The following VARS2 variants were observed in gnomAD, a reference collection of about 807,000 sequenced individuals.
VARS2 encodes valine--tRNA ligase, mitochondrial.
In VARS2, 105 loss-of-function variants were observed where a neutral mutation model predicts 154.1. That is an observed-to-expected ratio of 0.68 (90% CI 0.58 to 0.80). VARS2 has a LOEUF of 0.80. Ranked by LOEUF, VARS2 falls within the 30% of genes least tolerant of loss-of-function variation. VARS2 has a pLI of 0.00. For missense variants in VARS2, 1,157 were observed against 1,361.4 expected (o/e 0.85, Z 2.36); for synonymous variants, 483 against 539.5 (o/e 0.90, Z 1.45).
chr6:30,916,381 C>A lies in VARS2; in HGVS notation c.671+132C>A. ...TCTGACTTCCTCAGAGATGGAAGCT[C>A]TGGAGCCTGTTAACATTTGGTGGAG... On this transcript the variant is annotated intron_variant, in intron 7 of 29. Transcript: ENST00000676266. The surrounding 1 kb of genome is among the most constrained non-coding windows in gnomAD (Gnocchi z 4.0). The A allele has an allele frequency of 1.3e-6, 1 of 747,964 alleles. No homozygotes were observed. Among genetic ancestry groups the A allele is most frequent in the Non-Finnish European group, 2.1e-6 (1 of 465,612 alleles). 46.3% of individuals were successfully genotyped at this position (747,964 alleles called of 1,614,324 possible). A position where few individuals can be genotyped will look rare whatever the true frequency, so the allele number is the denominator to read the frequency against.
At chr6:30,914,505 T>A (rs1562444572) in intron 1 of VARS2, 161 bp downstream of exon 1, 1 of 1,341,984 alleles carries the variant, frequency 7.5e-7, no homozygotes, top group Admixed American at 3.6e-5. Context: ...GACTCCTTGC[T>A]GGCTCTTGGG....
Position 30,925,954 on chromosome 6 carries a change from C to T in VARS2, c.3036C>T (p.Ser1012=), listed in dbSNP as rs758429375. 2.1e-5 allele frequency: 34 copies of T among 1,612,966 alleles called. No individual in the cohort carries two copies. Among genetic ancestry groups the T allele is most frequent in the African/African-American group, 5.3e-5 (4 of 74,918 alleles). The change falls in exon 29 of 30, where the codon AGC becomes AGT. Residue 1012 remains serine (S), a synonymous_variant. Transcript: ENST00000676266. ...RRYKLQKQLD[S]LTARTPSEGE... ...ACAAGTTGCAGAAGCAGCTTGACAG[C>T]CTCACAGCCAGGACCCCATCAGAAG...
At position 30,915,045 on chromosome 6, in the gene VARS2, G is replaced by T. The variant is rs775817326; in HGVS notation, c.201+8G>T. ...ATAGCAGGGGAGAGCAAGGTTAGGGGTCAGACAGCTTGTCCTTGGGTTTCT... is the reference window on the plus strand; with the variant it reads ...ATAGCAGGGGAGAGCAAGGTTAGGGTTCAGACAGCTTGTCCTTGGGTTTCT... On this transcript the variant is annotated splice_region_variant and intron_variant, in intron 2 of 29. Coordinates refer to ENST00000676266, the MANE Select transcript of VARS2 (RefSeq NM_020442.6). 1.2e-6 allele frequency: 2 copies of T among 1,613,270 alleles called. No homozygotes were observed. The highest frequency in any genetic ancestry group is 1.7e-5 in the Admixed American group (1 of 59,890).
Position 30,919,811 on chromosome 6 carries a change from C to T in VARS2, c.1128C>T (p.Leu376=). ...CCTTGATGGGGCAGCCTCTTCCCCT[C>T]ATCACAGACTATGCTGTTCAGCCAC... ...RHPLMGQPLP[L]ITDYAVQPHV... is the part of the protein sequence containing the mutation. The change falls in exon 12 of 30, where the codon CTC becomes CTT. Residue 376 remains leucine, a synonymous_variant. Coordinates refer to ENST00000676266, the MANE Select transcript of VARS2 (RefSeq NM_020442.6). The surrounding 1 kb of genome is among the most constrained non-coding windows in gnomAD (Gnocchi z 4.5). 1 of 1,596,428 alleles carries T rather than the reference C, an allele frequency of 6.3e-7. No homozygotes were observed. The highest frequency in any genetic ancestry group is 8.6e-7 in the Non-Finnish European group (1 of 1,168,130).
chr6:30,915,043 G>A lies in VARS2; in HGVS notation c.201+6G>A. 6.2e-7 allele frequency: 1 copy of A among 1,613,198 alleles called. No individual in the cohort carries two copies. The highest frequency in any genetic ancestry group is 8.5e-7 in the Non-Finnish European group (1 of 1,179,804). On this transcript the variant is annotated splice_donor_region_variant and intron_variant, in intron 2 of 29. Coordinates refer to ENST00000676266, the MANE Select transcript of VARS2 (RefSeq NM_020442.6). ...AGATAGCAGGGGAGAGCAAGGTTAG[G>A]GGTCAGACAGCTTGTCCTTGGGTTT... is the stretch of plus-strand genomic sequence containing the variant.
chr6:30,917,746 C>A lies in VARS2; in HGVS notation c.925C>A (p.Pro309Thr). 1.3e-6 allele frequency: 2 copies of A among 1,567,984 alleles called. No individual in the cohort carries two copies. The highest frequency in any genetic ancestry group is 1.7e-6 in the Non-Finnish European group (2 of 1,155,896). ...CACACAGCTTCGACTGCCTGGCTGCCCCACCCCCGTGTCTTTTGGCCTCCT... is the reference window on the plus strand; with the variant it reads ...CACACAGCTTCGACTGCCTGGCTGCACCACCCCCGTGTCTTTTGGCCTCCT... Reference protein sequence around the residue: ...GHTQLRLPGCPTPVSFGLLFS... With the variant: ...GHTQLRLPGCTTPVSFGLLFS... The change falls in exon 10 of 30, where the codon CCC (proline) becomes ACC (threonine). Residue 309 changes from proline to threonine, a missense_variant. Physicochemically the swap from Pro to Thr is conservative, Grantham distance 38. Coordinates refer to ENST00000676266, the MANE Select transcript of VARS2 (RefSeq NM_020442.6). This position sits in a 1 kb window ranked among gnomAD's most constrained non-coding sequence, Gnocchi z 4.4.
rs770182765 is a variant in VARS2, at chr6:30,925,881, G to A, written c.2963G>A (p.Gly988Asp). 3 of 1,612,728 alleles carry A rather than the reference G, an allele frequency of 1.9e-6. No homozygotes were observed. Among genetic ancestry groups the A allele is most frequent in the Non-Finnish European group, 2.5e-6 (3 of 1,180,020 alleles). Residue 988 changes from glycine (G) to aspartate (D), a missense_variant and splice_region_variant, in exon 29 of 30, where the codon GGC becomes GAC. By Grantham distance (94) the Gly-to-Asp change is moderately conservative. Transcript: ENST00000676266. ...CCTTTTCTCCCTGTTCTTCCCCAGG[G>A]CCTGGTGGACCCGCAGATCCAGCTA... Reference protein sequence around the residue: ...DTAQVYMELQGLVDPQIQLPL... With the variant: ...DTAQVYMELQDLVDPQIQLPL...
In VARS2 at chr6:30,923,370, G is replaced by C; in HGVS notation, c.2331G>C (p.Pro777=). The part of the protein sequence containing the change: ...QPAEELSPSS[P]MDAWILSRLA... Reference sequence around the variant, plus strand: ...GCCTGCAGCTGTCTCCCTCCTCCCCGATGGATGCCTGGATCCTGAGCCGCC... The same window carrying C: ...GCCTGCAGCTGTCTCCCTCCTCCCCCATGGATGCCTGGATCCTGAGCCGCC... The change falls in exon 25 of 30, where the codon CCG becomes CCC. Residue 777 remains proline, a synonymous_variant. Coordinates refer to ENST00000676266, the MANE Select transcript of VARS2 (RefSeq NM_020442.6). 1.2e-6 allele frequency: 2 copies of C among 1,611,156 alleles called. No homozygotes were observed. Among genetic ancestry groups the C allele is most frequent in the Non-Finnish European group, 1.7e-6 (2 of 1,178,998 alleles).
chr6:30,915,571 G>A (rs1429506215), intron 4 of VARS2, 116 bp downstream of exon 4: 2 of 1,437,744 alleles, frequency 1.4e-6, no homozygotes, highest in Admixed American at 2.0e-5. Flanking sequence ...TCTGGCTCTG[G>A]TGTCTCCAAA....
In VARS2 at chr6:30,917,632, G is replaced by A. The variant is rs527901544; in HGVS notation, c.874-63G>A. On this transcript the variant is annotated intron_variant, in intron 9 of 29. Coordinates refer to ENST00000676266, the MANE Select transcript of VARS2 (RefSeq NM_020442.6). The surrounding 1 kb of genome is among the most constrained non-coding windows in gnomAD (Gnocchi z 4.4). ...TGGGCAGATGGATGAGTGGCAGAGT[G>A]AAGCCTGGGCATGAGCCTTGCAGAA... The A allele has an allele frequency of 9.0e-6, 13 of 1,444,062 alleles. No individual in the cohort carries two copies. In the South Asian group the frequency reaches 9.9e-5, roughly 11 times the overall value. 89.5% of individuals were successfully genotyped at this position (1,444,062 alleles called of 1,614,324 possible).
chr6:30,924,807 A>G (rs888027396), intron 26 of VARS2, among the ~76,000 whole-genome samples: 1 of 152,152 alleles, frequency 6.6e-6, no homozygotes, highest in Non-Finnish European at 1.5e-5. Context: ...ATCGAGCCTC[A>G]GTTTCCCGCA....
rs755093002 is a variant in VARS2 at position 30,916,159 on chromosome 6, T to A, written c.581T>A (p.Val194Glu). The change falls in exon 7 of 30, where the codon GTG (valine) becomes GAG (glutamate). Residue 194 changes from valine to glutamate, a missense_variant. Val to Glu is a moderately radical substitution (Grantham distance 121). Transcript: ENST00000676266. This position sits in a 1 kb window ranked among gnomAD's most constrained non-coding sequence, Gnocchi z 4.0. The part of the protein sequence containing the change: ...DHAGIATQAV[V>E]EKQLWKERGV... Reference sequence around the variant, plus strand: ...CCCTGAATCCAACTGCAGGCTGTGGTGGAGAAACAACTGTGGAAGGAACGG... The same window carrying A: ...CCCTGAATCCAACTGCAGGCTGTGGAGGAGAAACAACTGTGGAAGGAACGG... 2 of 1,613,646 alleles carry A rather than the reference T, an allele frequency of 1.2e-6. No individual in the cohort carries two copies. Among genetic ancestry groups the A allele is most frequent in the East Asian group, 4.5e-5 (2 of 44,866 alleles).
rs749340773 is a variant in VARS2, at chr6:30,922,540, G to C, written c.2023G>C (p.Gly675Arg). The change falls in exon 21 of 30, where the codon GGG becomes CGG. Residue 675 changes from glycine (G) to arginine (R), a missense_variant. Physicochemically the swap from Gly to Arg is moderately radical, Grantham distance 125. Transcript: ENST00000676266. ...GCTGGACCCAAGAGACATCATCAGT[G>C]GGGTGGAGATGCAGGTGAGGACGAA... ...NVLDPRDIIS[G>R]VEMQVLQEKL... 17 of 1,565,544 alleles carry C rather than the reference G, an allele frequency of 1.1e-5. No individual in the cohort carries two copies. In the Admixed American group the frequency reaches 1.3e-4, roughly 12 times the overall value.
Position 30,921,745 on chromosome 6 carries a change from G to A in VARS2, c.1735+54G>A. 6.5e-7 allele frequency: 1 copy of A among 1,538,052 alleles called. No homozygotes were observed. Among genetic ancestry groups the A allele is most frequent in the Non-Finnish European group, 8.8e-7 (1 of 1,137,892 alleles). The stretch of plus-strand genomic sequence containing the variant: ...CAGGGGAGCGGGGGCCTGGGCATCT[G>A]GGCCTTTGAGGGGAACAGATCCCAA... On this transcript the variant is annotated intron_variant, in intron 18 of 29. Coordinates refer to ENST00000676266, the MANE Select transcript of VARS2 (RefSeq NM_020442.6). The surrounding 1 kb of genome is among the most constrained non-coding windows in gnomAD (Gnocchi z 4.6).
rs1450669289 is a variant in VARS2, at chr6:30,914,260, C to A, written c.-112C>A. The A allele has an allele frequency of 3.6e-6, 3 of 832,322 alleles. No individual in the cohort carries two copies. The highest frequency in any genetic ancestry group is 4.8e-6 in the Non-Finnish European group (3 of 620,830). 51.6% of individuals were successfully genotyped at this position (832,322 alleles called of 1,614,324 possible). A position where few individuals can be genotyped will look rare whatever the true frequency, so the allele number is the denominator to read the frequency against. On this transcript the variant is annotated 5_prime_UTR_variant, in exon 1 of 30. Transcript: ENST00000676266. ...CCCGCCCCCATGCGCCGCGCGGCTC[C>A]AGGGCCACGTTCCAGGGTCGGGTTT...
Position 30,921,563 on chromosome 6 carries a change from T to C in VARS2, c.1633-26T>C. 1.3e-6 allele frequency: 2 copies of C among 1,587,400 alleles called. No individual in the cohort carries two copies. The highest frequency in any genetic ancestry group is 1.7e-6 in the Non-Finnish European group (2 of 1,168,714). ...ACCTGTCAGCTGTTCTTCCTCACTC[T>C]CCCCAACCCCTTCCTACTTTTGCAG... On this transcript the variant is annotated intron_variant, in intron 17 of 29. Transcript: ENST00000676266. The surrounding 1 kb of genome is among the most constrained non-coding windows in gnomAD (Gnocchi z 4.6).
chr6:30,922,039 G>T lies in VARS2; in HGVS notation c.1806+44G>T, dbSNP rs189316271. 484 of 1,612,964 alleles carry T rather than the reference G, an allele frequency of 3.0e-4. 8 individuals carry two copies. The East Asian group carries it at 0.01, about 34-fold the overall frequency. ...GCGAAAGTGAAGGGGAAACGATAAGGAAGGGATGGCTGGGCCCCCACAGAG... is the reference window on the plus strand; with the variant it reads ...GCGAAAGTGAAGGGGAAACGATAAGTAAGGGATGGCTGGGCCCCCACAGAG... On this transcript the variant is annotated intron_variant, in intron 19 of 29. Transcript: ENST00000676266.
Position 30,926,093 on chromosome 6 carries a change from T to C in VARS2, c.3091-16T>C, listed in dbSNP as rs529118301. ...GCCTCATTCCTGGATCCTCACCTCC[T>C]TTTCTCCTCGTCCAGCTTTCTTCCC... On this transcript the variant is annotated splice_polypyrimidine_tract_variant and intron_variant, in intron 29 of 29. Coordinates refer to ENST00000676266, the MANE Select transcript of VARS2 (RefSeq NM_020442.6). The C allele has an allele frequency of 3.6e-4, 579 of 1,613,048 alleles. 9 individuals are homozygous for C. In the Admixed American group the frequency reaches 9.5e-3, roughly 26 times the overall value.
At chr6:30,924,077 C>A (rs574829336) in intron 25 of VARS2, 1 of 554,804 alleles carries the variant, frequency 1.8e-6, no homozygotes, top group African/African-American at 1.9e-5. Flanking sequence ...AACCTCTGTC[C>A]CCTGTTGATA....
Sources: allele counts gnomAD v4.1 joint callset (sites outside exome capture counted in the v4.1 genomes callset), GRCh38; gene constraint gnomAD v4.1.1; non-coding constraint Gnocchi (gnomAD v3.1); transcripts MANE v1.5; gene names NCBI Gene and HGNC (gene_info 2026-07-23, HGNC 2026-07-21).